DPY19L4: variants seen among roughly 807,000 people sequenced by gnomAD.
DPY19L4 encodes dpy-19 like 4, also known as probable C-mannosyltransferase DPY19L4.
DPY19L4 carries 97 observed loss-of-function variants against 102.8 expected under a neutral mutation model. The observed-to-expected ratio is 0.94, with a 90% CI of 0.80 to 1.12. DPY19L4 has a LOEUF of 1.12. Among genes scored for constraint, DPY19L4 ranks in the 50% most tolerant of loss-of-function variants. The pLI, the probability that DPY19L4 is intolerant of heterozygous loss-of-function variation, is 0.00. For synonymous variants in DPY19L4, 252 were observed against 283.1 expected (o/e 0.89, Z 1.10); for missense variants, 815 against 850.4 (o/e 0.96, Z 0.52).
chr8:94,743,479 T>TAA (rs906372836), intron 6 of DPY19L4, among the ~76,000 whole-genome samples: 55 of 138,606 alleles, frequency 4.0e-4, no homozygotes, highest in African/African-American at 8.0e-4. Context: ...CATCTCTACT[T>TAA]AAAAAAAAAA....
chr8:94,744,453 T>C (rs1202453319), intron 6 of DPY19L4: 2 of 456,606 alleles, frequency 4.4e-6, no homozygotes, highest in Non-Finnish European at 8.8e-6. Context: ...ATCTTAGAAA[T>C]GATATAACAT....
chr8:94,744,295 CT>C (rs1289001634), intron 6 of DPY19L4: 2 of 453,894 alleles, frequency 4.4e-6, no homozygotes, highest in African/African-American at 4.0e-5. Flanking sequence ...ACCTTACTGG[CT>C]TTTGGCCAGG....
chr8:94,773,057 C>CA (rs1159380477), intron 13 of DPY19L4, among the ~76,000 whole-genome samples: 1 of 151,460 alleles, frequency 6.6e-6, no homozygotes, highest in Non-Finnish European at 1.5e-5. Flanking sequence ...ATTAAAAATA[C>CA]AAAAAAATTA....
chr8:94,719,941 G>C lies in DPY19L4; in HGVS notation c.-58G>C. On this transcript the variant is annotated 5_prime_UTR_variant, in exon 1 of 19. Transcript: ENST00000414645. ...AGGCCGAGGGGTTCGGCGACGCGGA[G>C]GGAGGGAGAGTCTGGGCCGCGCGGG... 1.4e-6 allele frequency: 2 copies of C among 1,472,792 alleles called. No individual in the cohort carries two copies. Among genetic ancestry groups the C allele is most frequent in the Non-Finnish European group, 1.8e-6 (2 of 1,109,140 alleles). The allele number at this position is 1,472,792 out of a possible 1,614,324, so 91.2% of individuals were successfully genotyped here.
chr8:94,776,591 A>G (rs2130918662), intron 13 of DPY19L4, among the ~76,000 whole-genome samples: 1 of 150,918 alleles, frequency 6.6e-6, no homozygotes, highest in South Asian at 2.1e-4. Flanking sequence ...ATCAATACCT[A>G]TTGAAGAACA....
intron 6 of DPY19L4, chr8:94,744,609 T>A: frequency 6.6e-6 from 3 of 455,000 alleles, no homozygotes; most frequent in South Asian, 4.7e-5. Context: ...ATTAATTTCA[T>A]GTAATCCCTA....
intron 1 of DPY19L4, among the ~76,000 whole-genome samples, chr8:94,724,927 C>T (rs2130782510): frequency 6.6e-6 from 1 of 152,222 alleles, no homozygotes; most frequent in South Asian, 2.1e-4. Flanking sequence ...GATTTCACTA[C>T]TTAACATGAC....
intron 15 of DPY19L4, among the ~76,000 whole-genome samples, chr8:94,780,658 G>A (rs1813388177): frequency 6.6e-6 from 1 of 152,078 alleles, no homozygotes; most frequent in Non-Finnish European, 1.5e-5. Flanking sequence ...TTTATAATTG[G>A]CAAAGGAAAT....
At position 94,738,402 on chromosome 8, in the gene DPY19L4, A is replaced by G; in HGVS notation, c.286A>G (p.Ser96Gly). The G allele has an allele frequency of 6.4e-7, 1 of 1,555,512 alleles. No individual in the cohort carries two copies. Among genetic ancestry groups the G allele is most frequent in the Non-Finnish European group, 8.7e-7 (1 of 1,152,786 alleles). Residue 96 changes from serine (S) to glycine (G), a missense_variant, in exon 4 of 19, where the codon AGT (serine) becomes GGT (glycine). By Grantham distance (56) the Ser-to-Gly change is moderately conservative. Coordinates refer to ENST00000414645, the MANE Select transcript of DPY19L4 (RefSeq NM_181787.3). ...LEREITFQGD[S>G]AIYYSYYKDM... Reference sequence around the variant, plus strand: ...ACGGGAAATCACGTTTCAGGGTGACAGTGCCATTTATTACTCCTATTATAA... The same window carrying G: ...ACGGGAAATCACGTTTCAGGGTGACGGTGCCATTTATTACTCCTATTATAA...
At chr8:94,786,107 C>CAT (rs1276401889) in intron 17 of DPY19L4, among the ~76,000 whole-genome samples, 1 of 151,974 alleles carries the variant, frequency 6.6e-6, no homozygotes, top group Non-Finnish European at 1.5e-5. Context: ...TAAATGAGAC[C>CAT]ATATCATTTA....
rs73697021 is a variant in DPY19L4 at position 94,765,899 on chromosome 8, G to A, written c.1101+90G>A. 5,694 of 824,752 alleles carry A rather than the reference G, an allele frequency of 6.9e-3. 244 individuals are homozygous for A. In the African/African-American group the frequency reaches 0.088, roughly 13 times the overall value. 51.1% of individuals were successfully genotyped at this position (824,752 alleles called of 1,614,324 possible). A position where few individuals can be genotyped will look rare whatever the true frequency, so the allele number is the denominator to read the frequency against. On this transcript the variant is annotated intron_variant, in intron 10 of 18. Coordinates refer to ENST00000414645, the MANE Select transcript of DPY19L4 (RefSeq NM_181787.3). Reference sequence around the variant, plus strand: ...TTTAATGAGAATAATGAGATAGCACGTAATAGAGTTTGAACAGTATAATTT... The same window carrying A: ...TTTAATGAGAATAATGAGATAGCACATAATAGAGTTTGAACAGTATAATTT...
At chr8:94,730,692 T>C (rs1394999835) in intron 2 of DPY19L4, among the ~76,000 whole-genome samples, 3 of 146,524 alleles carry the variant, frequency 2.0e-5, no homozygotes, top group East Asian at 4.3e-4. Context: ...TTGCAGTGAG[T>C]CGAGATCACG....
At chr8:94,753,609 A>C (rs186362199) in intron 6 of DPY19L4, among the ~76,000 whole-genome samples, 6 of 152,318 alleles carry the variant, frequency 3.9e-5, no homozygotes, top group Non-Finnish European at 8.8e-5. Context: ...GCGGTGGCTC[A>C]AGCCTGTAAT....
chr8:94,790,067 T>A lies in DPY19L4; in HGVS notation c.*157T>A. The A allele has an allele frequency of 1.5e-6, 1 of 660,902 alleles. No individual in the cohort carries two copies. The highest frequency in any genetic ancestry group is 2.3e-5 in the South Asian group (1 of 44,426). 40.9% of individuals were successfully genotyped at this position (660,902 alleles called of 1,614,324 possible). On this transcript the variant is annotated 3_prime_UTR_variant, in exon 19 of 19. Coordinates refer to ENST00000414645, the MANE Select transcript of DPY19L4 (RefSeq NM_181787.3). ...ACTGGATCCAGAGTTCTGTGGGAAATAGAAGATCAAGCATTACTGTCCTTT... is the reference window on the plus strand; with the variant it reads ...ACTGGATCCAGAGTTCTGTGGGAAAAAGAAGATCAAGCATTACTGTCCTTT...
intron 17 of DPY19L4, among the ~76,000 whole-genome samples, chr8:94,786,040 G>A (rs974181498): frequency 1.2e-4 from 18 of 152,276 alleles, no homozygotes; most frequent in Middle Eastern, 3.4e-3. Flanking sequence ...ATGGTATGTA[G>A]CACATAGCAG....
intron 13 of DPY19L4, among the ~76,000 whole-genome samples, chr8:94,777,265 C>G (rs1287811455): frequency 6.6e-6 from 1 of 151,954 alleles, no homozygotes; most frequent in African/African-American, 2.4e-5. Context: ...CAGGGTTTCA[C>G]TGTGTTGCCC....
rs370995918 is a variant in DPY19L4 at position 94,780,022 on chromosome 8, T to C, written c.1576-337T>C. ...GTTAGCTTTTCATGTAGTAGTGTAC[T>C]ATCCTTTGTAAGATCTGTATAACAT... On this transcript the variant is annotated intron_variant, in intron 14 of 18. Coordinates refer to ENST00000414645, the MANE Select transcript of DPY19L4 (RefSeq NM_181787.3). Among the ~76,000 whole-genome samples, 54 of 152,344 alleles carry C rather than the reference T, an allele frequency of 3.5e-4. No homozygotes were observed. In the East Asian group the frequency reaches 7.7e-3, roughly 22 times the overall value.
rs748801007 is a variant in DPY19L4, at chr8:94,770,540, T to A, written c.1423T>A (p.Leu475Ile). Residue 475 changes from leucine to isoleucine, a missense_variant, in exon 13 of 19, where the codon TTA becomes ATA. Transcript: ENST00000414645. Reference protein sequence around the residue: ...EIIYHVIHTILLGSLAMVIEG... With the variant: ...EIIYHVIHTIILGSLAMVIEG... ...AATTTATCATGTAATTCACACTATT[T>A]TATTGGGTTCTCTTGCAATGGTTAT... The A allele has an allele frequency of 3.7e-6, 6 of 1,613,666 alleles. No homozygotes were observed. The highest frequency in any genetic ancestry group is 5.1e-6 in the Non-Finnish European group (6 of 1,179,880).
chr8:94,787,241 A>G (rs555092398), intron 17 of DPY19L4, among the ~76,000 whole-genome samples: 4 of 152,190 alleles, frequency 2.6e-5, no homozygotes, highest in Non-Finnish European at 5.9e-5. Flanking sequence ...AAAAATAAAT[A>G]AAATTGTAAA....
Sources: allele counts gnomAD v4.1 joint callset (sites outside exome capture counted in the v4.1 genomes callset), GRCh38; gene constraint gnomAD v4.1.1; transcripts MANE v1.5; gene names NCBI Gene and HGNC (gene_info 2026-07-23, HGNC 2026-07-21).